The following FGGY variants were observed in gnomAD, a reference collection of about 807,000 sequenced individuals.
FGGY encodes the protein FGGY carbohydrate kinase domain containing.
FGGY carries 72 observed loss-of-function variants against 71.3 expected under a neutral mutation model. The ratio of observed to expected loss-of-function variants is 1.01; its 90% CI spans 0.84 to 1.23. FGGY has a LOEUF of 1.23. FGGY is among the 50% of genes most tolerant of loss of function. The probability of loss-of-function intolerance (pLI) is 0.00; values close to 1 mark genes in which losing one functional copy is unlikely to be tolerated. For missense variants in FGGY, 668 were observed against 682.3 expected (o/e 0.98, Z 0.23); for synonymous variants, 251 against 250.3 (o/e 1.00, Z -0.02).
intron 9 of FGGY, among the ~76,000 whole-genome samples, chr1:59,611,858 G>C (rs937747497): frequency 6.6e-6 from 1 of 152,200 alleles, no homozygotes; most frequent in Admixed American, 6.5e-5. Flanking sequence ...AAATGCACAA[G>C]CCTCAGTAGC....
intron 5 of FGGY, among the ~76,000 whole-genome samples, chr1:59,423,547 G>A (rs927625244): frequency 6.6e-5 from 10 of 152,034 alleles, no homozygotes; most frequent in African/African-American, 1.7e-4. Context: ...TCTGCTTTCC[G>A]GCCCACTTTT....
At chr1:59,388,710 CTAATT>C (rs1316120971) in intron 5 of FGGY, among the ~76,000 whole-genome samples, 3 of 152,002 alleles carry the variant, frequency 2.0e-5, no homozygotes, top group African/African-American at 7.3e-5. Flanking sequence ...ATATGATTCA[CTAATT>C]TAAAGTATAC....
intron 11 of FGGY, among the ~76,000 whole-genome samples, chr1:59,659,106 G>A (rs926328952): frequency 1.3e-5 from 2 of 152,168 alleles, no homozygotes; most frequent in Non-Finnish European, 2.9e-5. Context: ...GGAGGCTGAG[G>A]CAGCAGAACT....
intron 7 of FGGY, among the ~76,000 whole-genome samples, chr1:59,521,184 T>C (rs958731544): frequency 7.2e-5 from 11 of 152,084 alleles, no homozygotes; most frequent in Non-Finnish European, 1.5e-4. Context: ...ATTCATGGGA[T>C]TGCAAGTTTA....
intron 5 of FGGY, among the ~76,000 whole-genome samples, chr1:59,402,270 A>T (rs1557809747): frequency 6.6e-6 from 1 of 152,132 alleles, no homozygotes; most frequent in Admixed American, 6.6e-5. Context: ...TTGTGAAGGG[A>T]TGGGTCAGCC....
At chr1:59,334,441 G>A (rs1471416793) in intron 2 of FGGY, among the ~76,000 whole-genome samples, 1 of 152,066 alleles carries the variant, frequency 6.6e-6, no homozygotes, top group Non-Finnish European at 1.5e-5. Flanking sequence ...ATTGCACCCG[G>A]CCCCCACTTG....
intron 8 of FGGY, among the ~76,000 whole-genome samples, chr1:59,587,289 T>A (rs144725052): frequency 6.6e-6 from 1 of 151,938 alleles, no homozygotes; most frequent in African/African-American, 2.4e-5. Context: ...CAAAGCAGCC[T>A]GGAAGCTCGA....
At chr1:59,593,351 C>T (rs1356663087) in intron 8 of FGGY, among the ~76,000 whole-genome samples, 1 of 152,198 alleles carries the variant, frequency 6.6e-6, no homozygotes, top group African/African-American at 2.4e-5. Context: ...TCTATTTCTG[C>T]ATGTCATGAA....
chr1:59,673,878 C>A (rs1376962159), intron 13 of FGGY, 161 bp from the exon 14 acceptor site: 6 of 604,184 alleles, frequency 9.9e-6, no homozygotes, highest in Non-Finnish European at 1.2e-5. Context: ...CTTTTAGAAC[C>A]AAATAATCCC....
At position 59,660,227 on chromosome 1, in the gene FGGY, A is replaced by G. The variant is rs751310999; in HGVS notation, c.1230A>G (p.Gly410=). The change falls in exon 12 of 16, where the codon GGA becomes GGG. Residue 410 remains glycine, a synonymous_variant. Transcript: ENST00000303721. ...TCCCTTCATGCCTGCAGGTCACCGG[A>G]TTGAAACTGTCTCAGGACCTTGATG... ...ADLTLKGMVT[G]LKLSQDLDDL... is the part of the protein sequence containing the mutation. 1.2e-6 allele frequency: 2 copies of G among 1,613,584 alleles called. No homozygotes were observed. The highest frequency in any genetic ancestry group is 1.7e-6 in the Non-Finnish European group (2 of 1,179,972).
intron 4 of FGGY, among the ~76,000 whole-genome samples, chr1:59,372,588 C>T (rs1202178211): frequency 1.3e-5 from 2 of 152,128 alleles, no homozygotes; most frequent in Non-Finnish European, 2.9e-5. Flanking sequence ...ATACCAAAGC[C>T]TGGCAGAGAC....
Position 59,379,183 on chromosome 1 carries a change from A to G in FGGY, c.554+346A>G, listed in dbSNP as rs552530674. On this transcript the variant is annotated intron_variant, in intron 5 of 15. Transcript: ENST00000303721. ...AATAAACACACACACACACACACACACACACACACAGAGTCACGCATTCCT... is the reference window on the plus strand; with the variant it reads ...AATAAACACACACACACACACACACGCACACACACAGAGTCACGCATTCCT... Among the ~76,000 whole-genome samples, 19 of 152,102 alleles carry G rather than the reference A, an allele frequency of 1.2e-4. No individual in the cohort carries two copies. In the South Asian group the frequency reaches 3.9e-3, roughly 32 times the overall value.
At chr1:59,757,374 C>T (rs1375806304) in intron 14 of FGGY, among the ~76,000 whole-genome samples, 1 of 152,174 alleles carries the variant, frequency 6.6e-6, no homozygotes, top group Admixed American at 6.5e-5. Context: ...AAGTCACATT[C>T]CAGAACTCAA....
intron 5 of FGGY, among the ~76,000 whole-genome samples, chr1:59,429,396 G>C (rs1213034006): frequency 6.6e-6 from 1 of 151,908 alleles, no homozygotes; most frequent in African/African-American, 2.4e-5. Flanking sequence ...TTTTTTGCTT[G>C]GTAAGTTTCT....
At chr1:59,735,547 G>C (rs1299952449) in intron 14 of FGGY, among the ~76,000 whole-genome samples, 1 of 152,208 alleles carries the variant, frequency 6.6e-6, no homozygotes, top group African/African-American at 2.4e-5. Flanking sequence ...GACACCTGCT[G>C]TTTGCAAAAC....
chr1:59,365,606 C>T (rs1054135348), intron 4 of FGGY, among the ~76,000 whole-genome samples: 3 of 152,128 alleles, frequency 2.0e-5, no homozygotes, highest in South Asian at 4.1e-4. Context: ...TGGGCATTAG[C>T]GATGCAAAAT....
chr1:59,454,613 C>T (rs113750010), intron 5 of FGGY, among the ~76,000 whole-genome samples: 22 of 152,316 alleles, frequency 1.4e-4, no homozygotes, highest in African/African-American at 4.8e-4. Context: ...GTGCTACCTC[C>T]TCTATGAACC....
At chr1:59,394,959 C>T (rs1021264297) in intron 5 of FGGY, among the ~76,000 whole-genome samples, 11 of 151,928 alleles carry the variant, frequency 7.2e-5, no homozygotes, top group Non-Finnish European at 1.0e-4. Flanking sequence ...CTGTTTCCTC[C>T]CCGCAGAGTA....
At chr1:59,435,576 C>T (rs554464488) in intron 5 of FGGY, among the ~76,000 whole-genome samples, 4 of 152,296 alleles carry the variant, frequency 2.6e-5, no homozygotes, top group African/African-American at 9.6e-5. Flanking sequence ...CAGCCACTCT[C>T]CCCTTTGCCT....
Sources: allele counts gnomAD v4.1 joint callset (sites outside exome capture counted in the v4.1 genomes callset), GRCh38; gene constraint gnomAD v4.1.1; transcripts MANE v1.5; gene names NCBI Gene and HGNC (gene_info 2026-07-23, HGNC 2026-07-21).